The following BNC2 variants were observed in gnomAD, a reference collection of about 807,000 sequenced individuals.
BNC2 encodes zinc finger protein basonuclin-2.
A neutral mutation model predicts 76.3 loss-of-function variants in BNC2; 20 were observed. The ratio of observed to expected loss-of-function variants is 0.26; its 90% confidence interval spans 0.18 to 0.38. BNC2 has a LOEUF of 0.38. BNC2 is among the 10% of genes least tolerant of loss of function. The pLI is 1.00. For synonymous variants in BNC2, 582 were observed against 514.8 expected (o/e 1.13, Z -1.77); for missense variants, 1,382 against 1,399.8 (o/e 0.99, Z 0.20).
At chr9:16,863,045 G>A (rs1351966914) in intron 1 of BNC2, among the ~76,000 whole-genome samples, 63 of 151,838 alleles carry the variant, frequency 4.1e-4, no homozygotes, top group Admixed American at 4.1e-3. Flanking sequence ...CTCCCGAGTA[G>A]CTGGGATTAT....
intron 3 of BNC2, among the ~76,000 whole-genome samples, chr9:16,634,684 G>A (rs1821268241): frequency 6.6e-6 from 1 of 151,900 alleles, no homozygotes; most frequent in Non-Finnish European, 1.5e-5. Context: ...TGTATTTTTA[G>A]TAGAGATGGG....
At chr9:16,834,695 A>C (rs1040372255) in intron 1 of BNC2, among the ~76,000 whole-genome samples, 1 of 151,580 alleles carries the variant, frequency 6.6e-6, no homozygotes, top group Non-Finnish European at 1.5e-5. Context: ...AACTCCCTAC[A>C]AGTAAGTGAT....
chr9:16,522,340 A>G (rs1376951307), intron 5 of BNC2, among the ~76,000 whole-genome samples: 1 of 152,216 alleles, frequency 6.6e-6, no homozygotes, highest in Non-Finnish European at 1.5e-5. Flanking sequence ...TCTTCCTCCT[A>G]GCATGCCCGA....
intron 1 of BNC2, among the ~76,000 whole-genome samples, chr9:16,836,680 C>G (rs931726214): frequency 9.9e-5 from 15 of 152,142 alleles, no homozygotes; most frequent in African/African-American, 3.6e-4. Context: ...GGACATTCTG[C>G]TAATCACGAA....
intron 3 of BNC2, among the ~76,000 whole-genome samples, chr9:16,674,069 T>A (rs918860150): frequency 6.6e-6 from 1 of 152,254 alleles, no homozygotes; most frequent in East Asian, 1.9e-4. Flanking sequence ...TTCGGACTAA[T>A]ATTCCACTCA....
At chr9:16,538,396 A>G (rs1003783702) in intron 5 of BNC2, among the ~76,000 whole-genome samples, 1 of 152,176 alleles carries the variant, frequency 6.6e-6, no homozygotes, top group Non-Finnish European at 1.5e-5. Flanking sequence ...TAAAACATCT[A>G]CATTTTAATT....
intron 1 of BNC2, among the ~76,000 whole-genome samples, chr9:16,772,494 T>C (rs1161391041): frequency 1.3e-5 from 2 of 152,314 alleles, no homozygotes; most frequent in South Asian, 2.1e-4. Context: ...AGTAGTTATA[T>C]GTAAAGCTTA....
At chr9:16,497,657 G>A (rs942114980) in intron 5 of BNC2, among the ~76,000 whole-genome samples, 6 of 152,072 alleles carry the variant, frequency 3.9e-5, no homozygotes, top group Non-Finnish European at 5.9e-5. Context: ...AAGAAAATAC[G>A]TAGTGGCTAA....
At chr9:16,518,390 G>A (rs1309842296) in intron 5 of BNC2, among the ~76,000 whole-genome samples, 1 of 151,958 alleles carries the variant, frequency 6.6e-6, no homozygotes, top group Non-Finnish European at 1.5e-5. Context: ...GTACTCCACT[G>A]CACTCCAGCC....
intron 3 of BNC2, among the ~76,000 whole-genome samples, chr9:16,599,092 C>A (rs577083928): frequency 6.6e-6 from 1 of 152,210 alleles, no homozygotes; most frequent in South Asian, 2.1e-4. Context: ...AGCATTCATC[C>A]CTTCATTTGC....
intron 1 of BNC2, among the ~76,000 whole-genome samples, chr9:16,796,217 A>T (rs1034509374): frequency 6.6e-6 from 1 of 152,224 alleles, no homozygotes; most frequent in African/African-American, 2.4e-5. Context: ...CTTCTTTCGT[A>T]AGTACTTTAT....
intron 5 of BNC2, among the ~76,000 whole-genome samples, chr9:16,537,354 A>C (rs1818162421): frequency 6.6e-6 from 1 of 152,126 alleles, no homozygotes; most frequent in African/African-American, 2.4e-5. Context: ...AATCTTTTAA[A>C]AGTATTCTTA....
chr9:16,436,931 T>G lies in BNC2; in HGVS notation c.1263A>C (p.Lys421Asn). 3.1e-6 allele frequency: 5 copies of G among 1,614,064 alleles called. No individual in the cohort carries two copies. The highest frequency in any genetic ancestry group is 3.4e-6 in the Non-Finnish European group (4 of 1,180,020). The stretch of plus-strand genomic sequence containing the variant: ...TCATCCGATGAATCCGGAATGAGCT[T>G]TTTGGGTGTTCAGTTTTGGTTAGAT... ...VSDLTKTEHP[K>N]SSFRIHRMRR... Residue 421 changes from lysine to asparagine, a missense_variant, in exon 6 of 7, where the codon AAA becomes AAC. Physicochemically the swap from Lys to Asn is moderately conservative, Grantham distance 94 (BLOSUM62 0). Coordinates refer to ENST00000380672, the MANE Select transcript of BNC2 (RefSeq NM_017637.6).
At chr9:16,543,614 G>GC (rs1365405305) in intron 5 of BNC2, among the ~76,000 whole-genome samples, 3 of 152,136 alleles carry the variant, frequency 2.0e-5, no homozygotes, top group Admixed American at 1.3e-4. Context: ...TTTTTATTTT[G>GC]CAAGAGTAAA....
chr9:16,627,623 G>T (rs889313447), intron 3 of BNC2, among the ~76,000 whole-genome samples: 1 of 152,126 alleles, frequency 6.6e-6, no homozygotes, highest in Non-Finnish European at 1.5e-5. Context: ...GAGTCTGCTT[G>T]ATCATGTGTA....
chr9:16,814,504 C>A (rs1424525291), intron 1 of BNC2, among the ~76,000 whole-genome samples: 1 of 152,136 alleles, frequency 6.6e-6, no homozygotes, highest in Non-Finnish European at 1.5e-5. Context: ...TAGGTAATTA[C>A]CCCTAAATTA....
chr9:16,436,555 C>A lies in BNC2; in HGVS notation c.1639G>T (p.Asp547Tyr). The A allele has an allele frequency of 6.2e-7, 1 of 1,614,052 alleles. No individual in the cohort carries two copies. Residue 547 changes from aspartate to tyrosine, a missense_variant, in exon 6 of 7, where the codon GAC (aspartate) becomes TAC (tyrosine). Coordinates refer to ENST00000380672, the MANE Select transcript of BNC2 (RefSeq NM_017637.6). ...PPMGFTTPPLDPVLQNPLPSQ... is the reference protein window; with the variant it reads ...PPMGFTTPPLYPVLQNPLPSQ... ...GGGAGAGGATTTTGCAAGACAGGGT[C>A]TAGAGGGGGAGTGGTAAAACCCATT... is the stretch of plus-strand genomic sequence containing the variant.
At chr9:16,846,965 C>A (rs756296165) in intron 1 of BNC2, among the ~76,000 whole-genome samples, 1 of 152,116 alleles carries the variant, frequency 6.6e-6, no homozygotes, top group Non-Finnish European at 1.5e-5. Context: ...TGGAAACACC[C>A]GAAACTTAAC....
intron 3 of BNC2, among the ~76,000 whole-genome samples, chr9:16,659,301 C>G (rs1418305801): frequency 6.6e-6 from 1 of 152,192 alleles, no homozygotes; most frequent in Non-Finnish European, 1.5e-5. Context: ...TCACTGGCAA[C>G]CACGCTGCTT....
Sources: gnomAD v4.1 joint callset for allele counts (sites outside exome capture counted in the v4.1 genomes callset) on GRCh38, gnomAD v4.1.1 for gene constraint, MANE v1.5 for transcripts, NCBI Gene and HGNC (gene_info 2026-07-23, HGNC 2026-07-21) for gene names.